SLC22A24: variants seen among roughly 807,000 people sequenced by gnomAD.
SLC22A24 encodes solute carrier family 22 member 24.
A neutral mutation model predicts 49.8 loss-of-function variants in SLC22A24; 53 were observed. That is an observed-to-expected ratio of 1.06 (90% confidence interval 0.85 to 1.34). The LOEUF (loss-of-function observed/expected upper bound fraction) is 1.34, where lower values mean the gene tolerates loss of function less well. Among genes scored for constraint, SLC22A24 ranks in the 40% most tolerant of loss-of-function variants. SLC22A24 has a pLI of 0.00. For missense variants in SLC22A24, 786 were observed against 675.9 expected (o/e 1.16, Z -1.81); for synonymous variants, 302 against 256.4 (o/e 1.18, Z -1.70).
rs150891502 is a variant in SLC22A24 at position 63,139,882 on chromosome 11, T to C, written c.402+3496A>G. Among the ~76,000 whole-genome samples, 312 of 152,154 alleles carry C rather than the reference T, an allele frequency of 2.1e-3. 10 individuals carry two copies. The East Asian group carries it at 0.054, about 26-fold the overall frequency. On this transcript the variant is annotated intron_variant, in intron 1 of 9. Transcript: ENST00000612278. ...ACTGGCAAATGAAAAATCTTACAAG[T>C]ACTGAATATTCTCTTTATCTGTATT...
At chr11:63,113,217 T>TATATATATACATATATATACAC (rs1565332369) in intron 4 of SLC22A24, among the ~76,000 whole-genome samples, 79 of 1,616 alleles carry the variant, frequency 0.049, 38 homozygotes, top group Non-Finnish European at 0.049. Context: ...TATATACACA[T>TATATATATACATATATATACAC]ATATATATAT....
At chr11:63,108,383 G>T (rs113132716) in intron 4 of SLC22A24, among the ~76,000 whole-genome samples, 2 of 152,044 alleles carry the variant, frequency 1.3e-5, no homozygotes, top group Non-Finnish European at 1.5e-5. Context: ...AGGGATATTG[G>T]TCTAAAATTC....
rs553366387 is a variant in SLC22A24 at position 63,113,621 on chromosome 11, C to T, written c.830+5291G>A. 3.0e-4 allele frequency among the ~76,000 whole-genome samples: 45 copies of T among 151,904 alleles called. No individual in the cohort carries two copies. The South Asian group carries it at 4.8e-3, about 16-fold the overall frequency. ...CTGTAATCCCAGCACTTTGGGAGGC[C>T]GAGGTGGGCAGATCACGAGGTCAGG... On this transcript the variant is annotated intron_variant, in intron 4 of 9. Coordinates refer to ENST00000612278, the MANE Select transcript of SLC22A24 (RefSeq NM_001136506.2).
rs1414967361 is a variant in SLC22A24 at position 63,143,996 on chromosome 11, G to A, written c.-217C>T. On this transcript the variant is annotated 5_prime_UTR_variant, in exon 1 of 10. Transcript: ENST00000612278. Reference sequence around the variant, plus strand: ...TCCTTTAACTTTAGGCAGCCAAATAGTTTCAGAAGTCACAGATATAATTAT... The same window carrying A: ...TCCTTTAACTTTAGGCAGCCAAATAATTTCAGAAGTCACAGATATAATTAT... 1.6e-5 allele frequency: 6 copies of A among 378,312 alleles called. No individual in the cohort carries two copies. Among genetic ancestry groups the A allele is most frequent in the Non-Finnish European group, 2.8e-5 (6 of 214,208 alleles). 23.4% of individuals were successfully genotyped at this position (378,312 alleles called of 1,614,324 possible). A position where few individuals can be genotyped will look rare whatever the true frequency, so the allele number is the denominator to read the frequency against.
Position 63,081,086 on chromosome 11 carries a change from T to C in SLC22A24, c.1432A>G (p.Thr478Ala). The stretch of plus-strand genomic sequence containing the variant: ...AACAGAGGAGCCAGTGCTGCCCCAG[T>C]CCTACCGGACACTGCATTGATTCCT... Reference protein sequence around the residue: ...VAGINAVSGRTGAALAPLLMT... With the variant: ...VAGINAVSGRAGAALAPLLMT... Residue 478 changes from threonine to alanine, a missense_variant, in exon 9 of 10, where the codon ACT becomes GCT. Coordinates refer to ENST00000612278, the MANE Select transcript of SLC22A24 (RefSeq NM_001136506.2). 1 of 1,551,624 alleles carries C rather than the reference T, an allele frequency of 6.4e-7. No individual in the cohort carries two copies. The highest frequency in any genetic ancestry group is 8.7e-7 in the Non-Finnish European group (1 of 1,146,936).
At chr11:63,091,263 A>G (rs2087018954) in intron 6 of SLC22A24, among the ~76,000 whole-genome samples, 1 of 152,228 alleles carries the variant, frequency 6.6e-6, no homozygotes, top group South Asian at 2.1e-4. Flanking sequence ...GCAGTGAGTA[A>G]TAGCCTACCA....
chr11:63,105,101 C>G (rs976983323), intron 4 of SLC22A24, among the ~76,000 whole-genome samples: 6 of 152,246 alleles, frequency 3.9e-5, no homozygotes, highest in South Asian at 2.1e-4. Flanking sequence ...TTCCTTGATT[C>G]CATGTCTCAA....
intron 2 of SLC22A24, among the ~76,000 whole-genome samples, chr11:63,132,211 G>C (rs1168796312): frequency 6.6e-6 from 1 of 152,054 alleles, no homozygotes; most frequent in Admixed American, 6.6e-5. Flanking sequence ...TAGCTTCCTT[G>C]AAATGGGTTA....
chr11:63,125,724 A>G lies in SLC22A24; in HGVS notation c.507-6389T>C, dbSNP rs192288538. Among the ~76,000 whole-genome samples the G allele has an allele frequency of 2.0e-5, 3 of 152,338 alleles. No individual in the cohort carries two copies. In the East Asian group the frequency reaches 5.8e-4, roughly 29 times the overall value. ...ATTTCTGGTTCTAGATCCTTGAGGA[A>G]TTGCCACACTGTCTTCCACAATGGC... On this transcript the variant is annotated intron_variant, in intron 2 of 9. Coordinates refer to ENST00000612278, the MANE Select transcript of SLC22A24 (RefSeq NM_001136506.2).
intron 6 of SLC22A24, among the ~76,000 whole-genome samples, chr11:63,088,164 A>G (rs2086998612): frequency 6.6e-6 from 1 of 152,188 alleles, no homozygotes. Context: ...CAGACACCTC[A>G]TACAGGAGAG....
chr11:63,136,706 G>A (rs2087377718), intron 1 of SLC22A24, among the ~76,000 whole-genome samples: 1 of 152,206 alleles, frequency 6.6e-6, no homozygotes. Context: ...ACCCTTGGGT[G>A]GTTGCAAATT....
chr11:63,118,141 T>A (rs1409031305), intron 4 of SLC22A24, among the ~76,000 whole-genome samples: 1 of 152,090 alleles, frequency 6.6e-6, no homozygotes, highest in South Asian at 2.1e-4. Flanking sequence ...AAAGGTATAA[T>A]AATGACAGCT....
At chr11:63,080,333 T>A (rs2086951884) in intron 9 of SLC22A24, among the ~76,000 whole-genome samples, 1 of 152,230 alleles carries the variant, frequency 6.6e-6, no homozygotes. Context: ...CTTTTCTTAA[T>A]TTTGTCTCCT....
At position 63,090,991 on chromosome 11, in the gene SLC22A24, A is replaced by G. The variant is rs551270341; in HGVS notation, c.1070+5000T>C. 6.6e-4 allele frequency among the ~76,000 whole-genome samples: 100 copies of G among 152,346 alleles called. 1 individual carries two copies. The highest frequency in any genetic ancestry group is 2.3e-3 in the African/African-American group (95 of 41,594). On this transcript the variant is annotated intron_variant, in intron 6 of 9. Transcript: ENST00000612278. The stretch of plus-strand genomic sequence containing the variant: ...AACCCTTCAAATAATCAATGAATCC[A>G]GGAGCTGATTTTTTGAAAAGATTAA...
In SLC22A24 at chr11:63,096,087, T is replaced by C; in HGVS notation, c.974A>G (p.Lys325Arg). Residue 325 changes from lysine to arginine, a missense_variant, in exon 6 of 10, where the codon AAG (lysine) becomes AGG (arginine). Physicochemically the swap from Lys to Arg is conservative, Grantham distance 26. Transcript: ENST00000612278. ...AATTCGGACTGCATCCAACTCCTTCTTCATGGTGGATCTCACAAGCTTCAG... is the reference window on the plus strand; with the variant it reads ...AATTCGGACTGCATCCAACTCCTTCCTCATGGTGGATCTCACAAGCTTCAG... ...LTTELVRSTM[K>R]KELDAVRIKT... is the part of the protein sequence containing the mutation. The C allele has an allele frequency of 6.5e-7, 1 of 1,550,240 alleles. No homozygotes were observed.
intron 5 of SLC22A24, among the ~76,000 whole-genome samples, chr11:63,102,226 A>G (rs117714862): frequency 0.039 from 5,928 of 152,212 alleles, 169 homozygotes; most frequent in Non-Finnish European, 0.063. Context: ...TATAACTACT[A>G]TGTACCCATA....
chr11:63,139,913 G>GTT (rs55703293), intron 1 of SLC22A24, among the ~76,000 whole-genome samples: 1 of 150,660 alleles, frequency 6.6e-6, no homozygotes, highest in Non-Finnish European at 1.5e-5. Flanking sequence ...GTATTTATAT[G>GTT]TTTTTTTTTG....
At chr11:63,090,560 C>T (rs1347613923) in intron 6 of SLC22A24, among the ~76,000 whole-genome samples, 2 of 151,926 alleles carry the variant, frequency 1.3e-5, no homozygotes, top group Admixed American at 6.6e-5. Context: ...TCACTCAAAA[C>T]CACACAACTA....
chr11:63,098,313 G>C (rs2087068208), intron 5 of SLC22A24, among the ~76,000 whole-genome samples: 1 of 152,152 alleles, frequency 6.6e-6, no homozygotes, highest in Non-Finnish European at 1.5e-5. Flanking sequence ...CTATGGGACA[G>C]AGAGAAAGTG....
Sources: allele counts gnomAD v4.1 joint callset (sites outside exome capture counted in the v4.1 genomes callset), GRCh38; gene constraint gnomAD v4.1.1; transcripts MANE v1.5; gene names NCBI Gene and HGNC (gene_info 2026-07-23, HGNC 2026-07-21).